The following RIMS2 variants were observed in gnomAD, a reference collection of about 807,000 sequenced individuals.
The protein encoded by RIMS2 is regulating synaptic membrane exocytosis protein 2.
A neutral mutation model predicts 174.4 loss-of-function variants in RIMS2; 59 were observed. The observed-to-expected ratio is 0.34, with a 90% CI of 0.27 to 0.42. RIMS2 has a LOEUF of 0.42. Among genes scored for constraint, RIMS2 ranks in the 10% least tolerant of loss-of-function variants. The pLI is 1.00. For synonymous variants in RIMS2, 606 were observed against 572.5 expected (o/e 1.06, Z -0.84); for missense variants, 1,620 against 1,666.3 (o/e 0.97, Z 0.48).
chr8:104,197,911 A>G (rs1185493205), intron 19 of RIMS2, among the ~76,000 whole-genome samples: 1 of 151,980 alleles, frequency 6.6e-6, no homozygotes, highest in African/African-American at 2.4e-5. Context: ...TAATCTTTAC[A>G]TAGGTACCAA....
At chr8:103,647,481 A>T (rs550028336) in intron 1 of RIMS2, among the ~76,000 whole-genome samples, 12 of 152,216 alleles carry the variant, frequency 7.9e-5, no homozygotes, top group African/African-American at 2.9e-4. Context: ...ATTTTTTGGA[A>T]TAGTTTCAGT....
chr8:104,088,504 A>G (rs958570236), intron 19 of RIMS2, among the ~76,000 whole-genome samples: 3 of 152,214 alleles, frequency 2.0e-5, no homozygotes, highest in Non-Finnish European at 4.4e-5. Context: ...GTATTCAGGT[A>G]TCCATGTACT....
intron 2 of RIMS2, among the ~76,000 whole-genome samples, chr8:103,747,819 C>T (rs932088663): frequency 6.6e-6 from 1 of 152,026 alleles, no homozygotes; most frequent in South Asian, 2.1e-4. Context: ...CACTTTTGGA[C>T]TTATTAAGTT....
chr8:104,146,959 T>G (rs2098645642), intron 19 of RIMS2, among the ~76,000 whole-genome samples: 1 of 152,154 alleles, frequency 6.6e-6, no homozygotes, highest in Admixed American at 6.5e-5. Flanking sequence ...CCTCCCTAAG[T>G]GCTAGTATTA....
chr8:103,619,696 A>G (rs113243661), intron 1 of RIMS2, among the ~76,000 whole-genome samples: 137 of 152,246 alleles, frequency 9.0e-4, no homozygotes, highest in African/African-American at 3.2e-3. Context: ...TAAATGAAAT[A>G]ACACAGAACA....
chr8:104,148,523 A>T, intron 19 of RIMS2, 84 bp from the exon 25 acceptor site: 3 of 1,199,628 alleles, frequency 2.5e-6, no homozygotes, highest in Non-Finnish European at 3.4e-6. Flanking sequence ...ATTTAATTAT[A>T]CTCCAAATGT....
Position 104,023,392 on chromosome 8 carries a change from A to C in RIMS2, c.3334+8777A>C, listed in dbSNP as rs2096161289. Among the ~76,000 whole-genome samples, 10 of 152,136 alleles carry C rather than the reference A, an allele frequency of 6.6e-5. No homozygotes were observed. The South Asian group carries it at 2.1e-3, about 32-fold the overall frequency. On this transcript the variant is annotated intron_variant, in intron 19 of 23. Transcript: ENST00000504942. Reference sequence around the variant, plus strand: ...TTGTTAGAAGGTTTTGCACTAACCCAGGAAAGAGATGATAGTGGCTTAGAC... The same window carrying C: ...TTGTTAGAAGGTTTTGCACTAACCCCGGAAAGAGATGATAGTGGCTTAGAC...
chr8:103,992,159 A>T (rs894479507), intron 17 of RIMS2, among the ~76,000 whole-genome samples: 9 of 151,782 alleles, frequency 5.9e-5, no homozygotes, highest in African/African-American at 2.2e-4. Flanking sequence ...CCCAGGCTGG[A>T]GTTCAATGGC....
At chr8:104,221,323 C>T (rs1357452251) in intron 19 of RIMS2, among the ~76,000 whole-genome samples, 2 of 152,078 alleles carry the variant, frequency 1.3e-5, no homozygotes, top group Non-Finnish European at 2.9e-5. Context: ...GTGGGCTGAA[C>T]TCTGATACTG....
At chr8:103,587,469 A>AAAGAACG (rs59840606) in intron 1 of RIMS2, among the ~76,000 whole-genome samples, 34 of 59,988 alleles carry the variant, frequency 5.7e-4, no homozygotes, top group Admixed American at 1.7e-3. Context: ...AGAAAGAAAG[A>AAAGAACG]AACTATGCAC....
intron 1 of RIMS2, among the ~76,000 whole-genome samples, chr8:103,573,090 C>A (rs1019337059): frequency 6.6e-6 from 1 of 151,830 alleles, no homozygotes; most frequent in Non-Finnish European, 1.5e-5. Flanking sequence ...GATAGAGTCT[C>A]GCTCTGTTGT....
intron 19 of RIMS2, among the ~76,000 whole-genome samples, chr8:104,029,123 G>GT (rs2096326273): frequency 1.3e-5 from 2 of 152,316 alleles, no homozygotes; most frequent in South Asian, 2.1e-4. Flanking sequence ...TGGCACTGGA[G>GT]TAAGTGCCTT....
chr8:104,003,304 G>A (rs1303756781), intron 17 of RIMS2, among the ~76,000 whole-genome samples: 1 of 152,060 alleles, frequency 6.6e-6, no homozygotes, highest in Non-Finnish European at 1.5e-5. Flanking sequence ...GTATGAACAG[G>A]GTCACAGAAG....
At chr8:103,519,739 T>G (rs1376406794) in intron 1 of RIMS2, among the ~76,000 whole-genome samples, 1 of 150,652 alleles carries the variant, frequency 6.6e-6, no homozygotes, top group Non-Finnish European at 1.5e-5. Flanking sequence ...ACTACTTTTT[T>G]TTTTTTTTTT....
chr8:103,866,447 G>A (rs1461304962), intron 3 of RIMS2, among the ~76,000 whole-genome samples: 3 of 152,064 alleles, frequency 2.0e-5, no homozygotes, highest in Non-Finnish European at 4.4e-5. Context: ...TCCTGTCACT[G>A]CACAGGTATA....
chr8:104,088,185 A>G (rs1203239470), intron 19 of RIMS2, among the ~76,000 whole-genome samples: 1 of 152,066 alleles, frequency 6.6e-6, no homozygotes, highest in Non-Finnish European at 1.5e-5. Flanking sequence ...TAGGACAGAG[A>G]AAAACATCAT....
Position 103,751,552 on chromosome 8 carries a change from C to A in RIMS2, c.388-14675C>A, listed in dbSNP as rs910400759. ...CTTCTACAATGGTTGAACTAGTTTA[C>A]AGTCCCACCAACAGTGTAAAAGTGT... On this transcript the variant is annotated intron_variant, in intron 2 of 23. Coordinates refer to ENST00000504942, the Ensembl canonical transcript of RIMS2. Among the ~76,000 whole-genome samples the A allele has an allele frequency of 2.6e-5, 4 of 151,762 alleles. No homozygotes were observed. In the South Asian group the frequency reaches 6.3e-4, roughly 24 times the overall value.
chr8:103,786,508 C>T (rs1345791442), intron 3 of RIMS2, among the ~76,000 whole-genome samples: 1 of 152,124 alleles, frequency 6.6e-6, no homozygotes, highest in African/African-American at 2.4e-5. Context: ...ATCTTTATTT[C>T]TGCCTTCACT....
At chr8:103,588,604 A>G (rs531514618) in intron 1 of RIMS2, among the ~76,000 whole-genome samples, 1 of 152,090 alleles carries the variant, frequency 6.6e-6, no homozygotes, top group East Asian at 1.9e-4. Flanking sequence ...AAAGAAATCC[A>G]TACATCTACA....
Sources: gnomAD v4.1 joint callset for allele counts (sites outside exome capture counted in the v4.1 genomes callset) on GRCh38, gnomAD v4.1.1 for gene constraint, MANE v1.5 for transcripts, NCBI Gene and HGNC (gene_info 2026-07-23, HGNC 2026-07-21) for gene names.